UNC13C: variants seen among roughly 807,000 people sequenced by gnomAD.
UNC13C encodes protein unc-13 homolog C.
In UNC13C, 174 loss-of-function variants were observed where a neutral mutation model predicts 245.4. That is an observed-to-expected ratio of 0.71 (90% CI 0.63 to 0.80). The LOEUF (loss-of-function observed/expected upper bound fraction) is 0.80. Ranked by LOEUF, UNC13C falls within the 30% of genes least tolerant of loss-of-function variation. The probability of loss-of-function intolerance (pLI) is 0.00; values close to 1 mark genes in which losing one functional copy is unlikely to be tolerated. For synonymous variants in UNC13C, 992 were observed against 895.1 expected (o/e 1.11, Z -1.93); for missense variants, 2,829 against 2,602.9 (o/e 1.09, Z -1.89).
In UNC13C at chr15:54,627,316, A is replaced by ATGAT; in HGVS notation, c.*204_*207dup. 2.2e-6 allele frequency: 1 copy of ATGAT among 460,998 alleles called. No homozygotes were observed. The highest frequency in any genetic ancestry group is 3.8e-6 in the Non-Finnish European group (1 of 264,200). The allele number at this position is 460,998 out of a possible 1,614,324, so 28.6% of individuals were successfully genotyped here. ...CAGTGTTCCATGAAGTGCCAAAATT[A>ATGAT]TGATGTAAAGTGAAATATCAAGAAC... is the stretch of plus-strand genomic sequence containing the variant. On this transcript the variant is annotated 3_prime_UTR_variant, in exon 33 of 33. Coordinates refer to ENST00000260323, the MANE Select transcript of UNC13C (RefSeq NM_001080534.3).
intron 13 of UNC13C, among the ~76,000 whole-genome samples, chr15:54,316,906 G>C (rs1435343037): frequency 6.6e-6 from 1 of 151,848 alleles, no homozygotes; most frequent in Non-Finnish European, 1.5e-5. Context: ...ACAAAATTAG[G>C]ATTCGAGGTA....
At position 54,013,484 on chromosome 15, in the gene UNC13C, TCTC is replaced by T; in HGVS notation, c.585_587del (p.Ser196del). On this transcript the variant is annotated inframe_deletion, in exon 2 of 33. Transcript: ENST00000260323. The stretch of plus-strand genomic sequence containing the variant: ...AAATGGAAAAAGAGTCAAGAATGTG[TCTC>T]CTCAGACTCAGAGTTAAGCACCATG... 6.2e-7 allele frequency: 1 copy of T among 1,613,738 alleles called. No individual in the cohort carries two copies. The highest frequency in any genetic ancestry group is 8.5e-7 in the Non-Finnish European group (1 of 1,179,828).
At position 54,343,893 on chromosome 15, in the gene UNC13C, T is replaced by A. The variant is rs530964971; in HGVS notation, c.4713+5404T>A. ...AATTACTAAGAGTTAACATTTGGGG[T>A]AAGGGGGGGTCCTGGCTAACAGATC... On this transcript the variant is annotated intron_variant, in intron 17 of 32. Transcript: ENST00000260323. 4.2e-3 allele frequency among the ~76,000 whole-genome samples: 622 copies of A among 149,236 alleles called. 2 individuals are homozygous for A. The highest frequency in any genetic ancestry group is 9.2e-3 in the South Asian group (43 of 4,654).
chr15:54,549,579 G>C (rs1596551214), intron 27 of UNC13C, 56 bp from the exon 28 acceptor site: 1 of 1,292,518 alleles, frequency 7.7e-7, no homozygotes, highest in East Asian at 2.3e-5. Flanking sequence ...TTTCTATTGT[G>C]ACTAATACTG....
At chr15:54,138,790 G>T (rs900714778) in intron 2 of UNC13C, among the ~76,000 whole-genome samples, 1 of 151,684 alleles carries the variant, frequency 6.6e-6, no homozygotes, top group Non-Finnish European at 1.5e-5. Context: ...GAGGCTGGAC[G>T]TTCACTATCA....
chr15:54,450,932 G>A (rs906713809), intron 19 of UNC13C, among the ~76,000 whole-genome samples: 1 of 152,080 alleles, frequency 6.6e-6, no homozygotes, highest in Non-Finnish European at 1.5e-5. Flanking sequence ...GTTTCTTTTA[G>A]GGTCAGTCAG....
chr15:54,462,838 G>A (rs1365743707), intron 19 of UNC13C, among the ~76,000 whole-genome samples: 1 of 152,172 alleles, frequency 6.6e-6, no homozygotes, highest in Admixed American at 6.5e-5. Flanking sequence ...AGGAGTGCAG[G>A]CATGTGGTGC....
At chr15:54,136,848 T>G (rs2031761873) in intron 2 of UNC13C, among the ~76,000 whole-genome samples, 1 of 149,000 alleles carries the variant, frequency 6.7e-6, no homozygotes. Context: ...TGTATCACTT[T>G]TTTTTTTTTA....
intron 2 of UNC13C, among the ~76,000 whole-genome samples, chr15:54,041,455 AAGACTCAGAG>A (rs1896803892): frequency 6.6e-6 from 1 of 152,214 alleles, no homozygotes; most frequent in Admixed American, 6.5e-5. Context: ...AATGACTGTC[AAGACTCAGAG>A]AGATACATAA....
intron 19 of UNC13C, among the ~76,000 whole-genome samples, chr15:54,490,074 T>C (rs1269134035): frequency 1.3e-5 from 2 of 152,148 alleles, no homozygotes; most frequent in South Asian, 2.1e-4. Context: ...GAGAGAAATA[T>C]AGCATAAAGG....
intron 30 of UNC13C, among the ~76,000 whole-genome samples, chr15:54,615,017 T>C (rs1756573423): frequency 1.3e-5 from 2 of 152,048 alleles, no homozygotes; most frequent in South Asian, 2.1e-4. Flanking sequence ...TTGGGTTTTA[T>C]ATGTTCACTC....
chr15:54,503,895 C>T (rs1894347186), intron 22 of UNC13C, among the ~76,000 whole-genome samples: 1 of 152,020 alleles, frequency 6.6e-6, no homozygotes, highest in Non-Finnish European at 1.5e-5. Flanking sequence ...TTGATTTAAA[C>T]AGTCTCCTGG....
At chr15:53,979,287 A>G (rs1893828508) in intron 1 of UNC13C, among the ~76,000 whole-genome samples, 1 of 133,512 alleles carries the variant, frequency 7.5e-6, no homozygotes, top group African/African-American at 2.5e-5. Context: ...TCAACAGAGA[A>G]CAAAAGTTGA....
chr15:54,588,863 G>C (rs1898623635), intron 30 of UNC13C, among the ~76,000 whole-genome samples: 1 of 152,064 alleles, frequency 6.6e-6, no homozygotes, highest in Admixed American at 6.5e-5. Flanking sequence ...ATATATACGA[G>C]TTTCTTTATC....
intron 30 of UNC13C, among the ~76,000 whole-genome samples, chr15:54,591,092 A>AT (rs1200861574): frequency 6.6e-6 from 1 of 152,116 alleles, no homozygotes; most frequent in Non-Finnish European, 1.5e-5. Context: ...CATGTATCAC[A>AT]TTTTTTGACT....
the UNC13C span, among the ~76,000 whole-genome samples, chr15:53,959,552 G>A: frequency 6.6e-6 from 1 of 152,044 alleles, no homozygotes; most frequent in Non-Finnish European, 1.5e-5. Context: ...TAACTCTGTT[G>A]ATTTTTCACC....
chr15:54,044,138 C>G (rs934096630), intron 2 of UNC13C, among the ~76,000 whole-genome samples: 1 of 152,104 alleles, frequency 6.6e-6, no homozygotes, highest in African/African-American at 2.4e-5. Context: ...GTGGAGTTGC[C>G]TTTTCTGAAC....
chr15:54,184,901 C>T (rs1454739410), intron 4 of UNC13C, among the ~76,000 whole-genome samples: 3 of 152,110 alleles, frequency 2.0e-5, no homozygotes, highest in Admixed American at 6.5e-5. Context: ...AAAAGTGTTC[C>T]TATTTCTCCA....
At chr15:54,566,302 T>C (rs1027068686) in intron 29 of UNC13C, among the ~76,000 whole-genome samples, 2 of 152,104 alleles carry the variant, frequency 1.3e-5, no homozygotes, top group Non-Finnish European at 2.9e-5. Context: ...AATTGTCATA[T>C]TTTTTCATCC....
Sources: gnomAD v4.1 joint callset for allele counts (sites outside exome capture counted in the v4.1 genomes callset) on GRCh38, gnomAD v4.1.1 for gene constraint, MANE v1.5 for transcripts, NCBI Gene and HGNC (gene_info 2026-07-23, HGNC 2026-07-21) for gene names.